The following SYT1 variants were observed in gnomAD, a reference collection of about 807,000 sequenced individuals.
SYT1 encodes synaptotagmin-1.
In SYT1, 8 loss-of-function variants were observed where a neutral mutation model predicts 44.8. The observed-to-expected ratio is 0.18, with a 90% confidence interval of 0.10 to 0.32. The LOEUF is 0.32. Among genes scored for constraint, SYT1 ranks in the 10% least tolerant of loss-of-function variants. SYT1 has a pLI of 1.00. For missense variants in SYT1, 286 were observed against 509.3 expected (o/e 0.56, Z 4.22); for synonymous variants, 154 against 188.8 (o/e 0.82, Z 1.51).
intron 3 of SYT1, among the ~76,000 whole-genome samples, chr12:79,128,220 C>T (rs1234811902): frequency 6.6e-6 from 1 of 151,942 alleles, no homozygotes; most frequent in Non-Finnish European, 1.5e-5. Context: ...ATAAGGAGAC[C>T]GTGTCTCTCT....
chr12:79,412,824 T>C (rs1431265382), intron 9 of SYT1, among the ~76,000 whole-genome samples: 3 of 152,206 alleles, frequency 2.0e-5, no homozygotes, highest in African/African-American at 7.2e-5. Flanking sequence ...TATCTGAGTA[T>C]ATGCCAATAC....
chr12:79,089,443 A>T (rs1181920457), intron 3 of SYT1, among the ~76,000 whole-genome samples: 1 of 151,306 alleles, frequency 6.6e-6, no homozygotes, highest in Non-Finnish European at 1.5e-5. Flanking sequence ...GCCTCTGCCT[A>T]GCATGGTACC....
At chr12:79,007,409 T>C (rs1320441336) in intron 2 of SYT1, among the ~76,000 whole-genome samples, 2 of 152,104 alleles carry the variant, frequency 1.3e-5, no homozygotes, top group Non-Finnish European at 2.9e-5. Flanking sequence ...GGTGAAAACA[T>C]GCATGTTTTA....
chr12:79,280,661 CTTAAA>C (rs1458666125), intron 4 of SYT1, among the ~76,000 whole-genome samples: 1 of 151,618 alleles, frequency 6.6e-6, no homozygotes, highest in Non-Finnish European at 1.5e-5. Context: ...ATAAATAGGA[CTTAAA>C]TTAAAAAACT....
At chr12:79,355,042 G>A (rs1034717488) in intron 9 of SYT1, among the ~76,000 whole-genome samples, 1 of 151,898 alleles carries the variant, frequency 6.6e-6, no homozygotes, top group South Asian at 2.1e-4. Flanking sequence ...GGCTTCTTCC[G>A]GGGTCCCAGA....
chr12:78,944,807 A>G (rs1174766312), intron 1 of SYT1, among the ~76,000 whole-genome samples: 1 of 151,286 alleles, frequency 6.6e-6, no homozygotes, highest in Non-Finnish European at 1.5e-5. Context: ...ATTTTAATCA[A>G]CACACACACA....
rs527654019 is a variant in SYT1, at chr12:79,111,110, TA to T, written c.-18+63752del. Reference sequence around the variant, plus strand: ...GTTCTAAATGTAAATTGCCCTCACTTAAAAGCTTAAAAAGAAACTAGCTACA... The same window carrying T: ...GTTCTAAATGTAAATTGCCCTCACTTAAAGCTTAAAAAGAAACTAGCTACA... On this transcript the variant is annotated intron_variant, in intron 3 of 10. Transcript: ENST00000261205. 5.9e-5 allele frequency among the ~76,000 whole-genome samples: 9 copies of T among 152,154 alleles called. No homozygotes were observed. The South Asian group carries it at 1.9e-3, about 32-fold the overall frequency.
chr12:79,024,137 C>G (rs1358393698), intron 2 of SYT1, among the ~76,000 whole-genome samples: 3 of 151,746 alleles, frequency 2.0e-5, no homozygotes, highest in Non-Finnish European at 2.9e-5. Context: ...GGGGTTCTAA[C>G]TCAGTCTTGA....
chr12:79,180,144 A>G (rs969500170), intron 3 of SYT1, among the ~76,000 whole-genome samples: 1 of 152,098 alleles, frequency 6.6e-6, no homozygotes, highest in Non-Finnish European at 1.5e-5. Context: ...ATTTCCCTCT[A>G]TTAGAAATTG....
intron 3 of SYT1, chr12:79,102,870 A>T (rs1878519120): frequency 6.6e-6 from 1 of 152,144 alleles, no homozygotes; most frequent in Non-Finnish European, 1.5e-5. Context: ...ATAGAATTTC[A>T]TAAAATGGAC....
chr12:79,032,962 T>C (rs1231914359), intron 2 of SYT1, among the ~76,000 whole-genome samples: 1 of 151,356 alleles, frequency 6.6e-6, no homozygotes, highest in Non-Finnish European at 1.5e-5. Context: ...CTTCAGTCTC[T>C]TTAGTTGAGT....
In SYT1 at chr12:79,367,168, T is replaced by A. The variant is rs140883272; in HGVS notation, c.928+13549T>A. Reference sequence around the variant, plus strand: ...AGACACCGAGTTGTCTTCCAAGTACTTCTTTTATGATAACAGATCCAAGAC... The same window carrying A: ...AGACACCGAGTTGTCTTCCAAGTACATCTTTTATGATAACAGATCCAAGAC... On this transcript the variant is annotated intron_variant, in intron 9 of 10. Transcript: ENST00000261205. Among the ~76,000 whole-genome samples the A allele has an allele frequency of 4.3e-3, 661 of 152,258 alleles. 3 individuals are homozygous for A. The highest frequency in any genetic ancestry group is 0.014 in the African/African-American group (591 of 41,546).
chr12:79,159,141 G>A (rs552578218), intron 3 of SYT1, among the ~76,000 whole-genome samples: 18 of 152,292 alleles, frequency 1.2e-4, no homozygotes, highest in African/African-American at 4.3e-4. Context: ...AAACAATAGA[G>A]AGACAGCAAA....
chr12:79,076,749 T>A (rs1353503354), intron 3 of SYT1, among the ~76,000 whole-genome samples: 1 of 152,076 alleles, frequency 6.6e-6, no homozygotes, highest in Non-Finnish European at 1.5e-5. Context: ...GATTTTGGGA[T>A]CACGAGGTCA....
intron 3 of SYT1, among the ~76,000 whole-genome samples, chr12:79,180,792 C>G (rs566536594): frequency 6.6e-6 from 1 of 151,980 alleles, no homozygotes; most frequent in Non-Finnish European, 1.5e-5. Context: ...CAGCAGGCCC[C>G]ACCTCCAACG....
chr12:79,366,885 T>C (rs1017671118), intron 9 of SYT1, among the ~76,000 whole-genome samples: 1 of 148,366 alleles, frequency 6.7e-6, no homozygotes, highest in Non-Finnish European at 1.5e-5. Context: ...ATGGCTGATA[T>C]AAATAATACT....
intron 9 of SYT1, among the ~76,000 whole-genome samples, chr12:79,405,797 T>C (rs928345888): frequency 6.6e-6 from 1 of 152,138 alleles, no homozygotes; most frequent in Non-Finnish European, 1.5e-5. Context: ...ATCCTTAGTA[T>C]GTTGGCCTCT....
intron 1 of SYT1, among the ~76,000 whole-genome samples, chr12:78,945,050 A>T (rs1878576544): frequency 6.6e-6 from 1 of 152,170 alleles, no homozygotes; most frequent in Non-Finnish European, 1.5e-5. Flanking sequence ...TGTGAGAATG[A>T]CAACTTCAAT....
chr12:78,980,090 T>G (rs534814277), intron 2 of SYT1, among the ~76,000 whole-genome samples: 2 of 152,276 alleles, frequency 1.3e-5, no homozygotes, highest in African/African-American at 4.8e-5. Context: ...TATCTAATCT[T>G]AATAAGAATA....
Sources: gnomAD v4.1 joint callset for allele counts (sites outside exome capture counted in the v4.1 genomes callset) on GRCh38, gnomAD v4.1.1 for gene constraint, MANE v1.5 for transcripts, NCBI Gene and HGNC (gene_info 2026-07-23, HGNC 2026-07-21) for gene names.